Variants in CACNA2D1 observed in about 807,000 individuals in gnomAD.
CACNA2D1 encodes the protein voltage-dependent calcium channel subunit alpha-2/delta-1.
CACNA2D1 carries 53 observed loss-of-function variants against 171.5 expected under a neutral mutation model. The ratio of observed to expected loss-of-function variants is 0.31; its 90% CI spans 0.25 to 0.39. The LOEUF (loss-of-function observed/expected upper bound fraction) is 0.39, where lower values mean the gene tolerates loss of function less well. Ranked by LOEUF, CACNA2D1 falls within the 10% of genes least tolerant of loss-of-function variation. CACNA2D1 has a pLI of 1.00. For missense variants in CACNA2D1, 903 were observed against 1,299.8 expected (o/e 0.69, Z 4.69); for synonymous variants, 442 against 443.1 (o/e 1.00, Z 0.03).
intron 20 of CACNA2D1, among the ~76,000 whole-genome samples, chr7:81,993,137 C>T (rs1797714245): frequency 6.6e-6 from 1 of 152,064 alleles, no homozygotes; most frequent in Non-Finnish European, 1.5e-5. Context: ...ATTCTATACA[C>T]TTACAATTTT....
At chr7:82,163,451 C>T (rs1487143839) in intron 4 of CACNA2D1, among the ~76,000 whole-genome samples, 1 of 151,698 alleles carries the variant, frequency 6.6e-6, no homozygotes, top group Non-Finnish European at 1.5e-5. Context: ...TTATCATTTC[C>T]TAAAGAAGGA....
intron 3 of CACNA2D1, among the ~76,000 whole-genome samples, chr7:82,276,760 T>TC (rs1809391835): frequency 6.6e-6 from 1 of 151,392 alleles, no homozygotes; most frequent in Non-Finnish European, 1.5e-5. Context: ...TTTTCTTTTT[T>TC]TTTTTTTTAG....
At chr7:82,099,500 A>AGT (rs1391273384) in intron 6 of CACNA2D1, among the ~76,000 whole-genome samples, 1 of 41,836 alleles carries the variant, frequency 2.4e-5, no homozygotes, top group African/African-American at 7.6e-5. Flanking sequence ...CCCAGGCTGG[A>AGT]GTGCAGCGGC....
At chr7:82,184,027 TAC>T (rs1399357961) in intron 3 of CACNA2D1, among the ~76,000 whole-genome samples, 1 of 152,066 alleles carries the variant, frequency 6.6e-6, no homozygotes, top group African/African-American at 2.4e-5. Flanking sequence ...TTAAATAATT[TAC>T]CTTTGAGTTT....
At chr7:82,061,129 C>T (rs1806859651) in intron 9 of CACNA2D1, among the ~76,000 whole-genome samples, 3 of 152,146 alleles carry the variant, frequency 2.0e-5, no homozygotes, top group Admixed American at 2.0e-4. Context: ...CCAACACTTT[C>T]CTGGTTTTAT....
chr7:82,086,796 T>G (rs1810532791), intron 6 of CACNA2D1, among the ~76,000 whole-genome samples: 1 of 152,278 alleles, frequency 6.6e-6, no homozygotes, highest in Non-Finnish European at 1.5e-5. Context: ...TTTATTTGTT[T>G]TTAAGGCTGC....
At chr7:82,418,887 G>A (rs1828439319) in intron 1 of CACNA2D1, among the ~76,000 whole-genome samples, 1 of 152,100 alleles carries the variant, frequency 6.6e-6, no homozygotes, top group Non-Finnish European at 1.5e-5. Context: ...GGGAGGCCGA[G>A]GCAGGCGGAT....
chr7:82,338,178 T>C (rs1313076636), intron 2 of CACNA2D1, among the ~76,000 whole-genome samples: 1 of 152,136 alleles, frequency 6.6e-6, no homozygotes, highest in Non-Finnish European at 1.5e-5. Flanking sequence ...AAATTTAATA[T>C]CTAAAAAATG....
chr7:82,429,470 A>T (rs1042569990), intron 1 of CACNA2D1, among the ~76,000 whole-genome samples: 1 of 152,152 alleles, frequency 6.6e-6, no homozygotes. Flanking sequence ...ACAAGAATAG[A>T]GTCCAGGAGC....
At chr7:82,144,633 G>A (rs527621856) in intron 4 of CACNA2D1, among the ~76,000 whole-genome samples, 7 of 151,810 alleles carry the variant, frequency 4.6e-5, no homozygotes, top group African/African-American at 1.4e-4. Context: ...CCTATATAAA[G>A]CATTTTAATA....
At chr7:82,268,700 A>G (rs1327985855) in intron 3 of CACNA2D1, among the ~76,000 whole-genome samples, 1 of 147,226 alleles carries the variant, frequency 6.8e-6, no homozygotes, top group Non-Finnish European at 1.5e-5. Context: ...GTGAGAATGG[A>G]AAGAATTTGA....
In CACNA2D1 at chr7:82,136,686, A is replaced by C. The variant is rs1461932151; in HGVS notation, c.355-10T>G. The stretch of plus-strand genomic sequence containing the variant: ...AGACAACTTCATTGCTCTACAAAAA[A>C]AAAAGAACGCTTTATTGATTTTAAT... On this transcript the variant is annotated splice_polypyrimidine_tract_variant and intron_variant, in intron 4 of 38. Transcript: ENST00000356860. 5 of 1,566,500 alleles carry C rather than the reference A, an allele frequency of 3.2e-6. No individual in the cohort carries two copies. The highest frequency in any genetic ancestry group is 4.3e-6 in the Non-Finnish European group (5 of 1,149,580).
intron 1 of CACNA2D1, among the ~76,000 whole-genome samples, chr7:82,367,629 A>C (rs1401549470): frequency 1.3e-5 from 2 of 152,216 alleles, no homozygotes; most frequent in African/African-American, 4.8e-5. Context: ...ACCAGAAGTC[A>C]AAAGCACTTA....
intron 3 of CACNA2D1, among the ~76,000 whole-genome samples, chr7:82,219,888 ATTTGAGAGTTAGAAAAACACCTACAGGT>A (rs1290851159): frequency 6.6e-6 from 1 of 152,152 alleles, no homozygotes; most frequent in East Asian, 1.9e-4. Context: ...CATGAAAAAT[ATTTGAGAGTTAGAAAAACACCTACAGGT>A]TTTCAACGGA....
At chr7:82,077,923 T>G (rs571968256) in intron 7 of CACNA2D1, among the ~76,000 whole-genome samples, 1 of 152,272 alleles carries the variant, frequency 6.6e-6, no homozygotes, top group Non-Finnish European at 1.5e-5. Context: ...TTCTTTGGAC[T>G]ACCTTATCAT....
intron 3 of CACNA2D1, among the ~76,000 whole-genome samples, chr7:82,229,932 A>AC (rs1372726899): frequency 1.3e-5 from 2 of 152,204 alleles, no homozygotes; most frequent in African/African-American, 4.8e-5. Context: ...TATAATTGCC[A>AC]CAAAAATGTA....
chr7:82,127,730 G>A (rs1790496526), intron 5 of CACNA2D1, among the ~76,000 whole-genome samples: 1 of 152,066 alleles, frequency 6.6e-6, no homozygotes, highest in African/African-American at 2.4e-5. Context: ...TTGATTGGAG[G>A]AATTGTATGG....
intron 1 of CACNA2D1, among the ~76,000 whole-genome samples, chr7:82,412,508 C>G (rs1827782320): frequency 6.6e-6 from 1 of 151,908 alleles, no homozygotes; most frequent in Non-Finnish European, 1.5e-5. Flanking sequence ...GTCTCGAACT[C>G]CTGACCTCAA....
At chr7:82,305,780 T>C (rs1461580654) in intron 3 of CACNA2D1, among the ~76,000 whole-genome samples, 1 of 151,916 alleles carries the variant, frequency 6.6e-6, no homozygotes, top group Non-Finnish European at 1.5e-5. Context: ...TCATCATATC[T>C]ATAGAGGGCA....
Sources: gnomAD v4.1 joint callset for allele counts (sites outside exome capture counted in the v4.1 genomes callset) on GRCh38, gnomAD v4.1.1 for gene constraint, MANE v1.5 for transcripts, NCBI Gene and HGNC (gene_info 2026-07-23, HGNC 2026-07-21) for gene names.